SNTG1: variants seen among roughly 807,000 people sequenced by gnomAD.
SNTG1 encodes the protein gamma-1-syntrophin.
A neutral mutation model predicts 74.7 loss-of-function variants in SNTG1; 39 were observed. That is an observed-to-expected ratio of 0.52 (90% CI 0.40 to 0.68). The LOEUF (loss-of-function observed/expected upper bound fraction) is 0.68. SNTG1 is among the 30% of genes least tolerant of loss of function. SNTG1 has a pLI of 0.00. For missense variants in SNTG1, 685 were observed against 609.5 expected (o/e 1.12, Z -1.30); for synonymous variants, 254 against 217.1 (o/e 1.17, Z -1.49).
At chr8:50,421,209 C>A (rs2093082397) in intron 4 of SNTG1, among the ~76,000 whole-genome samples, 1 of 151,922 alleles carries the variant, frequency 6.6e-6, no homozygotes, top group Non-Finnish European at 1.5e-5. Flanking sequence ...CAGTGTGAAT[C>A]CACAGAGTAA....
intron 13 of SNTG1, among the ~76,000 whole-genome samples, chr8:50,627,249 TA>T (rs757984500): frequency 2.0e-5 from 3 of 152,306 alleles, no homozygotes; most frequent in Middle Eastern, 3.4e-3. Flanking sequence ...GTTTAATGAC[TA>T]AAACTCAAGT....
At chr8:50,570,891 A>G (rs186040219) in intron 12 of SNTG1, among the ~76,000 whole-genome samples, 2 of 152,110 alleles carry the variant, frequency 1.3e-5, no homozygotes, top group Admixed American at 1.3e-4. Context: ...GGTGTGAGCC[A>G]CCACACCTCT....
chr8:50,033,988 C>A (rs1817948170), intron 1 of SNTG1, among the ~76,000 whole-genome samples: 1 of 152,136 alleles, frequency 6.6e-6, no homozygotes, highest in African/African-American at 2.4e-5. Flanking sequence ...AGCAGTCACT[C>A]TTCTGATTGT....
intron 2 of SNTG1, among the ~76,000 whole-genome samples, chr8:50,330,636 A>G (rs1012339782): frequency 7.2e-5 from 11 of 152,200 alleles, no homozygotes; most frequent in African/African-American, 2.7e-4. Flanking sequence ...ACAGTGCTAT[A>G]AAGAAATACC....
chr8:50,321,087 G>T (rs2090510752), intron 2 of SNTG1, among the ~76,000 whole-genome samples: 1 of 151,996 alleles, frequency 6.6e-6, no homozygotes. Flanking sequence ...AAGTTTCTTT[G>T]CTGACTTTCT....
At chr8:50,417,805 C>A (rs938367071) in intron 4 of SNTG1, among the ~76,000 whole-genome samples, 2 of 152,052 alleles carry the variant, frequency 1.3e-5, no homozygotes, top group Admixed American at 6.6e-5. Flanking sequence ...GGACTTGTGA[C>A]CTTATGTGTT....
chr8:50,404,796 A>G (rs2092850696), intron 4 of SNTG1, among the ~76,000 whole-genome samples: 1 of 152,054 alleles, frequency 6.6e-6, no homozygotes, highest in Non-Finnish European at 1.5e-5. Context: ...TACGCATTAA[A>G]CAGTAACTCT....
At chr8:50,543,389 G>T (rs996310746) in intron 11 of SNTG1, among the ~76,000 whole-genome samples, 14 of 152,100 alleles carry the variant, frequency 9.2e-5, no homozygotes, top group African/African-American at 2.4e-5. Context: ...GTTAATGAGA[G>T]AATTGATTTC....
In SNTG1 at chr8:50,531,531, G is replaced by C. The variant is rs147946944; in HGVS notation, c.549+1272G>C. 1.7e-3 allele frequency among the ~76,000 whole-genome samples: 259 copies of C among 152,166 alleles called. 1 individual carries two copies. Among genetic ancestry groups the C allele is most frequent in the African/African-American group, 6.0e-3 (250 of 41,516 alleles). On this transcript the variant is annotated intron_variant, in intron 10 of 18. Transcript: ENST00000642720. Reference sequence around the variant, plus strand: ...CTTCCCTCCCGATCCAGATGCCTTCGATAATTTCGATCCACTTCTGTTTTC... The same window carrying C: ...CTTCCCTCCCGATCCAGATGCCTTCCATAATTTCGATCCACTTCTGTTTTC...
chr8:50,204,656 G>T (rs1381225913), intron 2 of SNTG1, among the ~76,000 whole-genome samples: 4 of 151,972 alleles, frequency 2.6e-5, no homozygotes, highest in Non-Finnish European at 2.9e-5. Context: ...TGCCATATTG[G>T]TGTGCTGCAC....
At position 50,218,958 on chromosome 8, in the gene SNTG1, C is replaced by T. The variant is rs560778954; in HGVS notation, c.-28+46323C>T. Among the ~76,000 whole-genome samples the T allele has an allele frequency of 7.2e-5, 11 of 152,052 alleles. No individual in the cohort carries two copies. The South Asian group carries it at 1.0e-3, about 14-fold the overall frequency. On this transcript the variant is annotated intron_variant, in intron 2 of 18. Coordinates refer to ENST00000642720, the MANE Select transcript of SNTG1 (RefSeq NM_018967.5). The stretch of plus-strand genomic sequence containing the variant: ...AGTATCTGCATTTAAATGGGCTTCA[C>T]GAGGAAAAGAAGAGAAAGTCTAGGT...
At chr8:49,975,407 A>G (rs187404722) in intron 1 of SNTG1, among the ~76,000 whole-genome samples, 218 of 152,270 alleles carry the variant, frequency 1.4e-3, no homozygotes, top group Non-Finnish European at 2.6e-3. Context: ...AAAGCTATTC[A>G]AGGAAGCTTC....
At chr8:50,242,456 A>C (rs996581658) in intron 2 of SNTG1, among the ~76,000 whole-genome samples, 1 of 147,678 alleles carries the variant, frequency 6.8e-6, no homozygotes, top group African/African-American at 2.5e-5. Flanking sequence ...TGAACCTGGC[A>C]GGTGGAGGTT....
In SNTG1 at chr8:50,776,401, A is replaced by C. The variant is rs1309051723; in HGVS notation, c.1396-16270A>C. Among the ~76,000 whole-genome samples the C allele has an allele frequency of 6.8e-5, 10 of 147,292 alleles. No individual in the cohort carries two copies. The East Asian group carries it at 7.8e-4, about 12-fold the overall frequency. ...TATTTTATTATATTTTACATTTTAT[A>C]ATATATAATATATTATAGCTTATAA... On this transcript the variant is annotated intron_variant, in intron 18 of 18. Transcript: ENST00000642720.
intron 2 of SNTG1, among the ~76,000 whole-genome samples, chr8:50,307,214 C>T (rs958263799): frequency 2.0e-5 from 3 of 152,024 alleles, no homozygotes; most frequent in Non-Finnish European, 4.4e-5. Flanking sequence ...CCTATATATG[C>T]ATTCTCTTGT....
chr8:50,060,307 C>T (rs777042383), intron 1 of SNTG1, among the ~76,000 whole-genome samples: 17 of 151,952 alleles, frequency 1.1e-4, no homozygotes, highest in Non-Finnish European at 1.9e-4. Context: ...TTTTCTCATT[C>T]TATGGCTTGT....
chr8:49,980,521 CAAAAAAAAAAAAA>C (rs565561398), intron 1 of SNTG1, among the ~76,000 whole-genome samples: 5 of 53,832 alleles, frequency 9.3e-5, no homozygotes, highest in Admixed American at 3.1e-4. Flanking sequence ...GACTCCTTCG[CAAAAAAAAAAAAA>C]AAAAAAAAAA....
chr8:50,020,807 C>A (rs1334770189), intron 1 of SNTG1, among the ~76,000 whole-genome samples: 1 of 152,100 alleles, frequency 6.6e-6, no homozygotes, highest in Non-Finnish European at 1.5e-5. Flanking sequence ...GGATTTTTTA[C>A]TTTATGTAGG....
chr8:50,629,129 T>C (rs1018383824), intron 13 of SNTG1, among the ~76,000 whole-genome samples: 4 of 152,128 alleles, frequency 2.6e-5, no homozygotes, highest in African/African-American at 7.2e-5. Context: ...TGTAAGATAA[T>C]TTCTGGGGAT....
Sources: allele counts gnomAD v4.1 joint callset (sites outside exome capture counted in the v4.1 genomes callset), GRCh38; gene constraint gnomAD v4.1.1; transcripts MANE v1.5; gene names NCBI Gene and HGNC (gene_info 2026-07-23, HGNC 2026-07-21).